Variants in MYCBP2 observed in about 807,000 individuals in gnomAD.
The protein encoded by MYCBP2 is E3 ubiquitin-protein ligase MYCBP2.
Under a neutral mutation model 525.3 loss-of-function variants are expected in MYCBP2, and 120 were observed. The ratio of observed to expected loss-of-function variants is 0.23; its 90% CI spans 0.20 to 0.27. The LOEUF is 0.27. Among genes scored for constraint, MYCBP2 ranks in the 10% least tolerant of loss-of-function variants. The pLI, the probability that MYCBP2 is intolerant of heterozygous loss-of-function variation, is 1.00. For synonymous variants in MYCBP2, 1,894 were observed against 1,955.8 expected (o/e 0.97, Z 0.83); for missense variants, 4,149 against 5,657.1 (o/e 0.73, Z 8.55).
intron 35 of MYCBP2, 32 bp from the exon 36 acceptor site, chr13:77,176,660 A>C: frequency 6.8e-7 from 1 of 1,467,584 alleles, no homozygotes; most frequent in Non-Finnish European, 9.1e-7. Flanking sequence ...CAAAAATTCC[A>C]ACAGACTCTT....
At chr13:77,324,878 T>C (rs1435164631) in intron 1 of MYCBP2, among the ~76,000 whole-genome samples, 1 of 152,254 alleles carries the variant, frequency 6.6e-6, no homozygotes, top group Non-Finnish European at 1.5e-5. Context: ...GAGAGGAGTT[T>C]GTAAAGATGT....
chr13:77,097,502 T>C lies in MYCBP2; in HGVS notation c.9652A>G (p.Arg3218Gly). 1 of 1,612,920 alleles carries C rather than the reference T, an allele frequency of 6.2e-7. No individual in the cohort carries two copies. The highest frequency in any genetic ancestry group is 8.5e-7 in the Non-Finnish European group (1 of 1,179,510). ...EKKKKEKAEV[R>G]PRGNLFGEMA... ...TCTCCAAACAAATTACCCCTGGGCC[T>C]AACTTCTGCCTTTTCTTTTTTCTTT... Residue 3218 changes from arginine (R) to glycine (G), a missense_variant, in exon 56 of 83, where the codon AGG becomes GGG. Around this residue, in one of 21 missense-constraint regions of MYCBP2, gnomAD observed 653 missense variants for 744.7 expected, o/e 0.88. Coordinates refer to ENST00000544440, the MANE Select transcript of MYCBP2 (RefSeq NM_015057.5).
Position 77,270,013 on chromosome 13 carries a change from C to G in MYCBP2, c.1239G>C (p.Lys413Asn), listed in dbSNP as rs2074652171. ...TTACCTGAGCATACCCTAACCAAGA[C>G]TTTTTTTCTTTTCTGTTTCTAATAC... is the stretch of plus-strand genomic sequence containing the variant. ...TSRIRNRKEK[K>N]SWLGYAQGYL... is the part of the protein sequence containing the mutation. Residue 413 changes from lysine to asparagine, a missense_variant, in exon 7 of 83, where the codon AAG (lysine) becomes AAC (asparagine). This residue lies in a region of MYCBP2 where 262 missense variants were observed against 419.3 expected (regional missense o/e 0.62). Coordinates refer to ENST00000544440, the MANE Select transcript of MYCBP2 (RefSeq NM_015057.5). 1 of 1,612,028 alleles carries G rather than the reference C, an allele frequency of 6.2e-7. No individual in the cohort carries two copies. The highest frequency in any genetic ancestry group is 8.5e-7 in the Non-Finnish European group (1 of 1,179,404).
intron 76 of MYCBP2, among the ~76,000 whole-genome samples, chr13:77,060,197 G>C (rs1445842604): frequency 6.6e-6 from 1 of 152,050 alleles, no homozygotes; most frequent in African/African-American, 2.4e-5. Context: ...GTGAAGATTT[G>C]AAAATTACAG....
intron 14 of MYCBP2, 28 bp from the exon 15 acceptor site, chr13:77,251,383 T>C: frequency 6.3e-7 from 1 of 1,589,238 alleles, no homozygotes; most frequent in South Asian, 1.1e-5. Flanking sequence ...TTGTAATTTT[T>C]ATACAGGTTA....
chr13:77,107,743 T>A (rs2048069387), intron 55 of MYCBP2, among the ~76,000 whole-genome samples: 2 of 151,970 alleles, frequency 1.3e-5, no homozygotes, highest in South Asian at 4.2e-4. Context: ...CTCAAAAAAA[T>A]AAATAAATAC....
At chr13:77,204,312 G>A (rs2063024272) in intron 26 of MYCBP2, among the ~76,000 whole-genome samples, 1 of 150,426 alleles carries the variant, frequency 6.6e-6, no homozygotes, top group South Asian at 2.1e-4. Flanking sequence ...CACCATCACT[G>A]GCCATCAGAG....
At chr13:77,114,560 A>G (rs996476544) in intron 55 of MYCBP2, among the ~76,000 whole-genome samples, 4 of 152,116 alleles carry the variant, frequency 2.6e-5, no homozygotes, top group African/African-American at 9.7e-5. Context: ...CAGATATCCA[A>G]ATGAATTTTG....
chr13:77,265,840 T>G (rs1046156970), intron 8 of MYCBP2, among the ~76,000 whole-genome samples: 1 of 152,176 alleles, frequency 6.6e-6, no homozygotes, highest in Non-Finnish European at 1.5e-5. Flanking sequence ...TATCCTTTCT[T>G]TATCCATCAT....
chr13:77,114,001 A>G (rs1425544733), intron 55 of MYCBP2, among the ~76,000 whole-genome samples: 1 of 152,166 alleles, frequency 6.6e-6, no homozygotes, highest in East Asian at 1.9e-4. Context: ...TCATCCACAT[A>G]CCTTCAAAGC....
intron 1 of MYCBP2, among the ~76,000 whole-genome samples, chr13:77,303,564 A>C (rs1461593800): frequency 6.6e-6 from 1 of 152,208 alleles, no homozygotes; most frequent in African/African-American, 2.4e-5. Flanking sequence ...AAAAAAACAA[A>C]CAACTAAGAA....
chr13:77,170,522 C>T (rs73241418), intron 38 of MYCBP2, among the ~76,000 whole-genome samples: 2,962 of 151,078 alleles, frequency 0.02, 56 homozygotes, highest in Middle Eastern at 0.075. Flanking sequence ...CCAGGTGGTT[C>T]TGATGTTAAA....
At chr13:77,073,556 T>C (rs906931268) in intron 68 of MYCBP2, among the ~76,000 whole-genome samples, 3 of 151,920 alleles carry the variant, frequency 2.0e-5, no homozygotes, top group African/African-American at 7.3e-5. Flanking sequence ...AACACAATAA[T>C]ATAAGAAAAG....
At chr13:77,140,320 A>G (rs943055173) in intron 50 of MYCBP2, among the ~76,000 whole-genome samples, 157 bp from the exon 51 acceptor site, 2 of 152,232 alleles carry the variant, frequency 1.3e-5, no homozygotes, top group Non-Finnish European at 2.9e-5. Context: ...ATAACAGTAT[A>G]ACAACACTAA....
intron 26 of MYCBP2, among the ~76,000 whole-genome samples, chr13:77,199,838 G>A (rs951735893): frequency 2.0e-5 from 3 of 152,162 alleles, no homozygotes; most frequent in African/African-American, 7.2e-5. Context: ...GGTCCTGTCT[G>A]TTAAAAGGAA....
chr13:77,144,527 A>G lies in MYCBP2; in HGVS notation c.7221T>C (p.Asn2407=). 6.2e-7 allele frequency: 1 copy of G among 1,613,486 alleles called. No individual in the cohort carries two copies. Among genetic ancestry groups the G allele is most frequent in the Non-Finnish European group, 8.5e-7 (1 of 1,179,452 alleles). ...TCCAATTTGCACAATAAGTCCCATC[A>G]TTATTGACACGGATCAGCATATTCT... ...PSENMLIRVN[N]DGTYCANWTP... Residue 2407 remains asparagine (N), a synonymous_variant, in exon 49 of 83, where the codon AAT becomes AAC. Coordinates refer to ENST00000544440, the MANE Select transcript of MYCBP2 (RefSeq NM_015057.5).
chr13:77,239,462 T>G (rs2068482032), intron 17 of MYCBP2, among the ~76,000 whole-genome samples: 1 of 152,194 alleles, frequency 6.6e-6, no homozygotes, highest in Non-Finnish European at 1.5e-5. Flanking sequence ...CTTAGAACAC[T>G]GTGCAAGTGA....
chr13:77,055,944 C>T (rs372363588), intron 79 of MYCBP2, among the ~76,000 whole-genome samples, 177 bp from the exon 80 acceptor site: 1 of 152,092 alleles, frequency 6.6e-6, no homozygotes, highest in Non-Finnish European at 1.5e-5. Context: ...CATATTTTTC[C>T]AAGAGCAGGG....
intron 3 of MYCBP2, 44 bp from the exon 4 acceptor site, chr13:77,278,955 TA>T (rs1425271081): frequency 1.0e-5 from 14 of 1,398,044 alleles, no homozygotes; most frequent in African/African-American, 1.5e-5. Flanking sequence ...ACATGTAAGC[TA>T]GTAACACTTT....
Sources: allele counts gnomAD v4.1 joint callset (sites outside exome capture counted in the v4.1 genomes callset), GRCh38; gene constraint gnomAD v4.1.1; regional missense constraint gnomAD v4.1.1; transcripts MANE v1.5; gene names NCBI Gene and HGNC (gene_info 2026-07-23, HGNC 2026-07-21).